The following MMP24 variants were observed in gnomAD, a reference collection of about 807,000 sequenced individuals.
MMP24 encodes matrix metallopeptidase 24.
A neutral mutation model predicts 62.8 loss-of-function variants in MMP24; 25 were observed. The ratio of observed to expected loss-of-function variants is 0.40; its 90% CI spans 0.29 to 0.56. The LOEUF (loss-of-function observed/expected upper bound fraction) is 0.56. Among genes scored for constraint, MMP24 ranks in the 20% least tolerant of loss-of-function variants. The pLI is 0.50. For synonymous variants in MMP24, 319 were observed against 350.5 expected, an observed-to-expected ratio of 0.91 and a Z score of 1.00; for missense variants, 634 against 853.6, an observed-to-expected ratio of 0.74 and a Z score of 3.21.
rs1357370883 is a variant in MMP24, at chr20:35,271,300, T to C, written c.1334-269T>C. Among the ~76,000 whole-genome samples, 1 of 151,956 alleles carries C rather than the reference T, an allele frequency of 6.6e-6. No homozygotes were observed. Among genetic ancestry groups the C allele is most frequent in the African/African-American group, 2.4e-5 (1 of 41,358 alleles). ...CACTGGTAGCAGGTTTGGGGAGTGG[T>C]AGTGCATATGCAAAGTCATGTAAGT... On this transcript the variant is annotated intron_variant, in intron 7 of 8. Coordinates refer to ENST00000246186, the MANE Select transcript of MMP24 (RefSeq NM_006690.4). This position sits in a 1 kb window ranked among gnomAD's most constrained non-coding sequence, Gnocchi z 4.0.
At chr20:35,268,016 T>C (rs2425035) in intron 6 of MMP24, 23,814 of 152,170 alleles carry the variant, frequency 0.16, 2,016 homozygotes, top group African/African-American at 0.23. Context: ...GATTAGAGAG[T>C]ACTTTCAGAA....
At chr20:35,227,104 C>T (rs1245294816) in intron 1 of MMP24, 120 bp downstream of exon 1, 3 of 836,658 alleles carry the variant, frequency 3.6e-6, no homozygotes, top group Non-Finnish European at 4.3e-6. Flanking sequence ...AGGCGGCGCG[C>T]CGGGGGTCCG....
chr20:35,263,835 C>T lies in MMP24; in HGVS notation c.862C>T (p.Leu288=). 1 of 1,607,200 alleles carries T rather than the reference C, an allele frequency of 6.2e-7. No homozygotes were observed. Among genetic ancestry groups the T allele is most frequent in the Non-Finnish European group, 8.5e-7 (1 of 1,176,836 alleles). The change falls in exon 5 of 9, where the codon CTG becomes TTG. Residue 288 remains leucine, a synonymous_variant. Transcript: ENST00000246186. ...GGCTGTGCATGAGCTGGGCCACGCG[C>T]TGGGACTGGAGCACTCCAGCGACCC... ...LVAVHELGHA[L]GLEHSSDPSA...
chr20:35,262,392 G>T (rs1385006265), intron 4 of MMP24, among the ~76,000 whole-genome samples: 1 of 151,730 alleles, frequency 6.6e-6, no homozygotes. Flanking sequence ...GTGAACAAAG[G>T]TCTTTGCATC....
chr20:35,254,872 C>A, intron 4 of MMP24, 118 bp downstream of exon 4: 2 of 1,161,680 alleles, frequency 1.7e-6, no homozygotes, highest in East Asian at 2.4e-5. Context: ...GAACTAAGAC[C>A]GTAAGAGGGT....
At position 35,263,774 on chromosome 20, in the gene MMP24, C is replaced by T; in HGVS notation, c.818-17C>T. 2 of 1,513,074 alleles carry T rather than the reference C, an allele frequency of 1.3e-6. No homozygotes were observed. 93.7% of individuals were successfully genotyped at this position (1,513,074 alleles called of 1,614,324 possible). On this transcript the variant is annotated splice_polypyrimidine_tract_variant and intron_variant, in intron 4 of 8. Coordinates refer to ENST00000246186, the MANE Select transcript of MMP24 (RefSeq NM_006690.4). ...TAAGCAGGTGCCCTGGGCACCTCCC[C>T]ACACTCCTCTCCACAGGGAACGACC...
rs982591433 is a variant in MMP24 at position 35,244,490 on chromosome 20, G to A, written c.247-2350G>A. ...AGTTTTGCTCTTGTTGCCCCAGCTC[G>A]AGTGTAATGGCGTGATCTCAGCTCA... On this transcript the variant is annotated intron_variant, in intron 1 of 8. Coordinates refer to ENST00000246186, the MANE Select transcript of MMP24 (RefSeq NM_006690.4). 3.3e-5 allele frequency among the ~76,000 whole-genome samples: 5 copies of A among 152,176 alleles called. No individual in the cohort carries two copies. In the East Asian group the frequency reaches 9.7e-4, roughly 29 times the overall value.
In MMP24 at chr20:35,274,373, G is replaced by A; in HGVS notation, c.1702G>A (p.Gly568Ser). The change falls in exon 9 of 9, where the codon GGC (glycine) becomes AGC (serine). Residue 568 changes from glycine to serine, a missense_variant. Physicochemically the swap from Gly to Ser is moderately conservative, Grantham distance 56. Transcript: ENST00000246186. This position sits in a 1 kb window ranked among gnomAD's most constrained non-coding sequence, Gnocchi z 5.1. ...YPRNILRDWM[G>S]CNQKEVERRK... is the part of the protein sequence containing the mutation. ...GCGCAACATCCTGCGTGACTGGATG[G>A]GCTGCAACCAGAAGGAGGTGGAGCG... 1 of 1,613,952 alleles carries A rather than the reference G, an allele frequency of 6.2e-7. No homozygotes were observed. The highest frequency in any genetic ancestry group is 8.5e-7 in the Non-Finnish European group (1 of 1,179,878).
At chr20:35,229,887 T>C (rs2060430417) in intron 1 of MMP24, among the ~76,000 whole-genome samples, 1 of 152,226 alleles carries the variant, frequency 6.6e-6, no homozygotes, top group Admixed American at 6.5e-5. Context: ...CAATAAACTT[T>C]CCCTGATTTC....
intron 7 of MMP24, among the ~76,000 whole-genome samples, chr20:35,270,660 G>C (rs921298905): frequency 6.6e-6 from 1 of 152,192 alleles, no homozygotes; most frequent in African/African-American, 2.4e-5. Context: ...TCTGGAGCGC[G>C]CCACTCATGA....
At chr20:35,252,445 C>A (rs1481179217) in intron 3 of MMP24, among the ~76,000 whole-genome samples, 1 of 152,090 alleles carries the variant, frequency 6.6e-6, no homozygotes, top group East Asian at 1.9e-4. Flanking sequence ...GAAACAAAAA[C>A]CACAAAACAA....
chr20:35,230,433 G>A (rs1280116255), intron 1 of MMP24, among the ~76,000 whole-genome samples: 4 of 152,198 alleles, frequency 2.6e-5, no homozygotes, highest in Non-Finnish European at 5.9e-5. Context: ...TATTCAATGA[G>A]CAATCAATGA....
intron 2 of MMP24, among the ~76,000 whole-genome samples, chr20:35,247,752 C>T (rs1205181663): frequency 6.6e-6 from 1 of 152,218 alleles, no homozygotes; most frequent in African/African-American, 2.4e-5. Flanking sequence ...CTCCAGAGCC[C>T]TCCAACAGGA....
At position 35,276,543 on chromosome 20, in the gene MMP24, A is replaced by C. The variant is rs574962082; in HGVS notation, c.*1934A>C. On this transcript the variant is annotated 3_prime_UTR_variant, in exon 9 of 9. Coordinates refer to ENST00000246186, the MANE Select transcript of MMP24 (RefSeq NM_006690.4). ...CATCTGTGGACCCCTCTAGGGTCTGAGATGAGATGAGAAGTGTCTCCTGTA... is the reference window on the plus strand; with the variant it reads ...CATCTGTGGACCCCTCTAGGGTCTGCGATGAGATGAGAAGTGTCTCCTGTA... 34 of 368,422 alleles carry C rather than the reference A, an allele frequency of 9.2e-5. No individual in the cohort carries two copies. Among genetic ancestry groups the C allele is most frequent in the African/African-American group, 6.8e-4 (33 of 48,182 alleles). The allele number at this position is 368,422 out of a possible 1,614,324, so 22.8% of individuals were successfully genotyped here.
chr20:35,228,286 CA>C (rs1426705346), intron 1 of MMP24, among the ~76,000 whole-genome samples: 1 of 152,062 alleles, frequency 6.6e-6, no homozygotes, highest in African/African-American at 2.4e-5. Context: ...CACAAAACAA[CA>C]AAAAAGATAT....
At chr20:35,237,121 C>T (rs1369108984) in intron 1 of MMP24, among the ~76,000 whole-genome samples, 1 of 152,150 alleles carries the variant, frequency 6.6e-6, no homozygotes, top group Non-Finnish European at 1.5e-5. Flanking sequence ...TACTATGTGC[C>T]AGAATCTGCT....
At chr20:35,227,662 G>A (rs192619373) in intron 1 of MMP24, among the ~76,000 whole-genome samples, 1 of 152,280 alleles carries the variant, frequency 6.6e-6, no homozygotes, top group African/African-American at 2.4e-5. Flanking sequence ...CATAATGCTT[G>A]CATGGATGCA....
chr20:35,257,691 G>T (rs568068201), intron 4 of MMP24, among the ~76,000 whole-genome samples: 1 of 152,268 alleles, frequency 6.6e-6, no homozygotes, highest in South Asian at 2.1e-4. Flanking sequence ...GGGAAGGACC[G>T]GGGACCTGTG....
intron 2 of MMP24, among the ~76,000 whole-genome samples, chr20:35,250,904 CAT>C (rs2060541875): frequency 6.6e-6 from 1 of 152,204 alleles, no homozygotes; most frequent in Non-Finnish European, 1.5e-5. Context: ...CAAATCAAAA[CAT>C]ATCACCTGGT....
Sources: gnomAD v4.1 joint callset for allele counts (sites outside exome capture counted in the v4.1 genomes callset) on GRCh38, gnomAD v4.1.1 for gene constraint, Gnocchi (gnomAD v3.1) non-coding constraint, MANE v1.5 for transcripts, NCBI Gene and HGNC (gene_info 2026-07-23, HGNC 2026-07-21) for gene names.